SLC14A2: variants seen among roughly 807,000 people sequenced by gnomAD.
The protein encoded by SLC14A2 is solute carrier family 14 member 2, also known as urea transporter 2.
Under a neutral mutation model 104.6 loss-of-function variants are expected in SLC14A2, and 91 were observed. The ratio of observed to expected loss-of-function variants is 0.87; its 90% confidence interval spans 0.73 to 1.04. The LOEUF is 1.04. SLC14A2 is among the 50% of genes least tolerant of loss of function. SLC14A2 has a pLI of 0.00. For synonymous variants in SLC14A2, 476 were observed against 466.4 expected, an observed-to-expected ratio of 1.02 and a Z score of -0.27; for missense variants, 1,189 against 1,156.0, an observed-to-expected ratio of 1.03 and a Z score of -0.41.
At chr18:45,317,933 C>A (rs1000407670) in intron 1 of SLC14A2, among the ~76,000 whole-genome samples, 15 of 152,262 alleles carry the variant, frequency 9.9e-5, no homozygotes, top group Non-Finnish European at 2.2e-4. Flanking sequence ...GCTTCATGAG[C>A]CCCACCTCAA....
chr18:45,543,516 T>A (rs1411550530), intron 2 of SLC14A2, among the ~76,000 whole-genome samples: 1 of 152,224 alleles, frequency 6.6e-6, no homozygotes, highest in Non-Finnish European at 1.5e-5. Flanking sequence ...CCACCAGTGG[T>A]ATAAGTTTGT....
the SLC14A2 span, among the ~76,000 whole-genome samples, chr18:45,189,264 C>A: frequency 6.6e-6 from 1 of 152,188 alleles, no homozygotes. Context: ...ATTATGACTT[C>A]TGCAACCCTG....
chr18:45,478,538 C>A (rs763192118), intron 1 of SLC14A2, among the ~76,000 whole-genome samples: 2 of 152,164 alleles, frequency 1.3e-5, no homozygotes, highest in Non-Finnish European at 2.9e-5. Flanking sequence ...TTATCATTAC[C>A]TTCTTTTCTT....
chr18:45,396,494 T>C (rs1232406318), intron 1 of SLC14A2, among the ~76,000 whole-genome samples: 1 of 152,162 alleles, frequency 6.6e-6, no homozygotes, highest in African/African-American at 2.4e-5. Flanking sequence ...AATGTCAAAA[T>C]TCTTCCCCTT....
the SLC14A2 span, among the ~76,000 whole-genome samples, chr18:45,170,931 C>T: frequency 6.6e-6 from 1 of 152,066 alleles, no homozygotes; most frequent in Non-Finnish European, 1.5e-5. Context: ...ATGTGTAACA[C>T]CCAGTTGTGT....
chr18:45,540,021 C>T (rs1449456568), intron 2 of SLC14A2, among the ~76,000 whole-genome samples: 1 of 152,118 alleles, frequency 6.6e-6, no homozygotes, highest in African/African-American at 2.4e-5. Flanking sequence ...AATTTTATCT[C>T]TGGTATGAGG....
chr18:45,253,595 C>T (rs976206418), intron 1 of SLC14A2, among the ~76,000 whole-genome samples: 1 of 151,600 alleles, frequency 6.6e-6, no homozygotes, highest in Non-Finnish European at 1.5e-5. Flanking sequence ...CATGATTTTC[C>T]ATCAGCAGCT....
intron 1 of SLC14A2, among the ~76,000 whole-genome samples, chr18:45,434,809 A>C (rs1177071375): frequency 6.6e-6 from 1 of 152,202 alleles, no homozygotes. Context: ...CGTGGGGTGA[A>C]AAAATGAAGC....
chr18:45,621,358 T>A (rs1348393496), intron 1 of SLC14A2, among the ~76,000 whole-genome samples: 16 of 151,752 alleles, frequency 1.1e-4, no homozygotes, highest in Non-Finnish European at 2.2e-4. Context: ...TGAATGACAT[T>A]TGCAGACCTA....
At chr18:45,185,024 T>C in the SLC14A2 span, among the ~76,000 whole-genome samples, 2 of 152,128 alleles carry the variant, frequency 1.3e-5, no homozygotes, top group East Asian at 1.9e-4. Flanking sequence ...GAAAGTATAA[T>C]TGATGGGAAG....
intron 1 of SLC14A2, among the ~76,000 whole-genome samples, chr18:45,237,712 C>T (rs1479612329): frequency 6.6e-6 from 1 of 152,182 alleles, no homozygotes; most frequent in African/African-American, 2.4e-5. Context: ...GCTGAGAACT[C>T]TTGTCTTGCT....
chr18:45,262,840 G>A (rs2084553739), intron 1 of SLC14A2, among the ~76,000 whole-genome samples: 2 of 152,198 alleles, frequency 1.3e-5, no homozygotes, highest in African/African-American at 4.8e-5. Flanking sequence ...AACAGTGACA[G>A]ACCCCTGAGA....
intron 1 of SLC14A2, among the ~76,000 whole-genome samples, chr18:45,213,538 G>C (rs929756199): frequency 1.3e-5 from 2 of 152,054 alleles, no homozygotes; most frequent in Admixed American, 1.3e-4. Flanking sequence ...AATAATAGTG[G>C]AGAAAATGCA....
At chr18:45,584,293 G>A (rs2044538091) in intron 2 of SLC14A2, among the ~76,000 whole-genome samples, 1 of 152,124 alleles carries the variant, frequency 6.6e-6, no homozygotes, top group Non-Finnish European at 1.5e-5. Context: ...GACTAATTTA[G>A]GAGGATCCCA....
chr18:45,389,977 C>T (rs192360521), intron 1 of SLC14A2, among the ~76,000 whole-genome samples: 200 of 152,274 alleles, frequency 1.3e-3, no homozygotes, highest in Non-Finnish European at 2.5e-3. Context: ...TAGAATGAAA[C>T]CTAAAACTGC....
chr18:45,661,790 A>T (rs1401654441), intron 10 of SLC14A2, among the ~76,000 whole-genome samples: 2 of 152,222 alleles, frequency 1.3e-5, no homozygotes, highest in Non-Finnish European at 2.9e-5. Context: ...CAGGTGATGC[A>T]ATGATACCCC....
chr18:45,335,118 TC>T (rs1410143345), intron 1 of SLC14A2, among the ~76,000 whole-genome samples: 1 of 152,096 alleles, frequency 6.6e-6, no homozygotes, highest in Non-Finnish European at 1.5e-5. Context: ...GTATCTATCT[TC>T]CCCCCAAATT....
chr18:45,278,081 T>C (rs1431772168), intron 1 of SLC14A2, among the ~76,000 whole-genome samples: 1 of 152,146 alleles, frequency 6.6e-6, no homozygotes, highest in East Asian at 1.9e-4. Flanking sequence ...GTAATAAACA[T>C]TGTGACTCTG....
chr18:45,283,465 T>C (rs969161079), intron 1 of SLC14A2, among the ~76,000 whole-genome samples: 1 of 147,510 alleles, frequency 6.8e-6, no homozygotes, highest in Non-Finnish European at 1.5e-5. Flanking sequence ...ACGTTGAGTC[T>C]CCTAATTGAT....
Sources: allele counts gnomAD v4.1 joint callset (sites outside exome capture counted in the v4.1 genomes callset), GRCh38; gene constraint gnomAD v4.1.1; transcripts MANE v1.5; gene names NCBI Gene and HGNC (gene_info 2026-07-23, HGNC 2026-07-21).